Variants in DGLUCY observed in about 807,000 individuals in gnomAD.
DGLUCY encodes the protein D-glutamate cyclase.
In DGLUCY, 58 loss-of-function variants were observed where a neutral mutation model predicts 58.5. The ratio of observed to expected loss-of-function variants is 0.99; its 90% confidence interval spans 0.80 to 1.23. DGLUCY has a LOEUF of 1.23. DGLUCY is among the 50% of genes most tolerant of loss of function. DGLUCY has a pLI of 0.00. For missense variants in DGLUCY, 779 were observed against 784.7 expected (o/e 0.99, Z 0.09); for synonymous variants, 325 against 314.1 (o/e 1.03, Z -0.37).
upstream of DGLUCY, among the ~76,000 whole-genome samples, chr14:91,112,035 C>A (rs997215441): frequency 6.6e-6 from 1 of 151,330 alleles, no homozygotes; most frequent in Non-Finnish European, 1.5e-5. Context: ...GTCGGGAGTT[C>A]GAGACCAGCC....
chr14:91,170,271 G>A lies in DGLUCY; in HGVS notation c.456+70G>A, dbSNP rs2048506283. The A allele has an allele frequency of 3.9e-6, 6 of 1,522,720 alleles. No individual in the cohort carries two copies. The Admixed American group carries it at 1.2e-4, about 30-fold the overall frequency. The allele number at this position is 1,522,720 out of a possible 1,614,324, so 94.3% of individuals were successfully genotyped here. ...ATGCAGATCAACTTACATATTCCTG[G>A]GGTGGGGAGAACATGGGCACGGGAG... is the stretch of plus-strand genomic sequence containing the variant. On this transcript the variant is annotated intron_variant, in intron 5 of 13. Transcript: ENST00000256324.
In DGLUCY at chr14:91,215,872, G is replaced by A. The variant is rs148258697; in HGVS notation, c.1716+316G>A. 844 of 721,860 alleles carry A rather than the reference G, an allele frequency of 1.2e-3. 5 individuals carry two copies. In the African/African-American group the frequency reaches 0.014, roughly 12 times the overall value. The allele number at this position is 721,860 out of a possible 1,614,324, so 44.7% of individuals were successfully genotyped here. On this transcript the variant is annotated intron_variant, in intron 13 of 13. Transcript: ENST00000256324. ...GGTCAGCATTGTTGTTGGAGGAACC[G>A]AATGCCTCACCCATGGTGGGTACTT... is the stretch of plus-strand genomic sequence containing the variant.
intron 13 of DGLUCY, among the ~76,000 whole-genome samples, chr14:91,224,335 C>G (rs911449934): frequency 6.6e-6 from 1 of 152,318 alleles, no homozygotes; most frequent in Non-Finnish European, 1.5e-5. Context: ...CAATACCAGT[C>G]TGGGCAACAT....
chr14:91,106,317 C>T (rs567919423), upstream of DGLUCY, among the ~76,000 whole-genome samples: 6 of 151,286 alleles, frequency 4.0e-5, no homozygotes, highest in South Asian at 2.1e-4. Context: ...CCTACCCCCC[C>T]CCAAAAAACT....
chr14:91,195,651 T>A (rs2050153326), intron 9 of DGLUCY, among the ~76,000 whole-genome samples: 2 of 150,686 alleles, frequency 1.3e-5, no homozygotes. Flanking sequence ...ATCGCGATAA[T>A]GATGGTTTTT....
At chr14:91,107,473 G>A (rs191210954), upstream of DGLUCY, among the ~76,000 whole-genome samples, 284 of 152,012 alleles carry the variant, frequency 1.9e-3, no homozygotes, top group African/African-American at 5.6e-3. Flanking sequence ...AGCTGAGATC[G>A]CGCCACTGCA....
intron 13 of DGLUCY, chr14:91,223,585 T>C: frequency 1.9e-6 from 2 of 1,031,534 alleles, no homozygotes; most frequent in South Asian, 1.4e-5. Context: ...ACAGACACAT[T>C]AGTGGCTTGG....
At chr14:91,155,764 T>C (rs1287741803) in intron 1 of DGLUCY, among the ~76,000 whole-genome samples, 1 of 149,240 alleles carries the variant, frequency 6.7e-6, no homozygotes, top group African/African-American at 2.5e-5. Flanking sequence ...ACCACTGCAC[T>C]CTAGCCTGGG....
At chr14:91,062,441 A>C (rs1021210844) in intron 1 of DGLUCY, among the ~76,000 whole-genome samples, 1 of 150,506 alleles carries the variant, frequency 6.6e-6, no homozygotes, top group Non-Finnish European at 1.5e-5. Flanking sequence ...CCAGCTACTC[A>C]GGAAGCTGAG....
chr14:91,119,760 A>T (rs2045239172), intron 1 of DGLUCY, among the ~76,000 whole-genome samples: 1 of 152,084 alleles, frequency 6.6e-6, no homozygotes, highest in Admixed American at 6.6e-5. Context: ...ACCCGCCCTC[A>T]GTCTGGGTGG....
chr14:91,170,225 C>G (rs1411153214), intron 5 of DGLUCY, 24 bp downstream of exon 5: 2 of 1,606,284 alleles, frequency 1.2e-6, no homozygotes. Flanking sequence ...CCACAGCCCA[C>G]AAGGGCAGAA....
At chr14:91,073,616 G>C (rs1485753078) in intron 1 of DGLUCY, among the ~76,000 whole-genome samples, 1 of 152,092 alleles carries the variant, frequency 6.6e-6, no homozygotes, top group East Asian at 1.9e-4. Context: ...ACCGCTCCTG[G>C]CTGCATGAAA....
upstream of DGLUCY, among the ~76,000 whole-genome samples, chr14:91,111,248 G>GTATATATC (rs2044693613): frequency 1.2e-5 from 1 of 81,154 alleles, no homozygotes; most frequent in East Asian, 3.1e-4. Flanking sequence ...GTGTGTGTGT[G>GTATATATC]TATATATCTA....
chr14:91,172,913 G>A (rs2048649407), intron 5 of DGLUCY, among the ~76,000 whole-genome samples: 1 of 152,126 alleles, frequency 6.6e-6, no homozygotes, highest in Admixed American at 6.6e-5. Context: ...CCAAGTGCTG[G>A]GATTACAGGT....
intron 1 of DGLUCY, among the ~76,000 whole-genome samples, chr14:91,068,112 CACA>C (rs1566928289): frequency 1.7e-4 from 25 of 146,280 alleles, no homozygotes; most frequent in African/African-American, 7.0e-4. Context: ...CACACACACA[CACA>C]CCCCTTGCAT....
chr14:91,060,389 C>T, exon 1 of DGLUCY: 5 of 1,508,752 alleles, frequency 3.3e-6, no homozygotes, highest in Non-Finnish European at 3.6e-6. Flanking sequence ...CCGCCGTCCG[C>T]GCTGGTCCCC....
intron 1 of DGLUCY, among the ~76,000 whole-genome samples, chr14:91,090,757 G>T (rs964057395): frequency 6.6e-6 from 1 of 152,184 alleles, no homozygotes; most frequent in Admixed American, 6.5e-5. Context: ...AAGACATCTG[G>T]TGGAGCCTTG....
chr14:91,150,673 G>A (rs567910194), intron 1 of DGLUCY, among the ~76,000 whole-genome samples: 2 of 152,120 alleles, frequency 1.3e-5, no homozygotes, highest in Admixed American at 6.6e-5. Flanking sequence ...GGATCCTACC[G>A]CCTCAGCGTC....
intron 1 of DGLUCY, among the ~76,000 whole-genome samples, chr14:91,150,723 G>A (rs1373729713): frequency 3.3e-5 from 5 of 152,040 alleles, no homozygotes; most frequent in Non-Finnish European, 7.4e-5. Flanking sequence ...ACCACACCTG[G>A]CCTTAATCCG....
Sources: gnomAD v4.1 joint callset for allele counts (sites outside exome capture counted in the v4.1 genomes callset) on GRCh38, gnomAD v4.1.1 for gene constraint, MANE v1.5 for transcripts, NCBI Gene and HGNC (gene_info 2026-07-23, HGNC 2026-07-21) for gene names.